The following ICE2 variants were observed in gnomAD, a reference collection of about 807,000 sequenced individuals.
ICE2 encodes interactor of little elongation complex ELL subunit 2.
Under a neutral mutation model 105.4 loss-of-function variants are expected in ICE2, and 87 were observed. The ratio of observed to expected loss-of-function variants is 0.83; its 90% CI spans 0.69 to 0.99. The LOEUF (loss-of-function observed/expected upper bound fraction) is 0.99. ICE2 is among the 50% of genes least tolerant of loss of function. ICE2 has a pLI of 0.00. For missense variants in ICE2, 1,323 were observed against 1,146.7 expected (o/e 1.15, Z -2.22); for synonymous variants, 399 against 392.0 (o/e 1.02, Z -0.21).
chr15:60,462,254 G>A (rs372431438), intron 5 of ICE2, among the ~76,000 whole-genome samples: 27 of 152,264 alleles, frequency 1.8e-4, no homozygotes, highest in African/African-American at 5.5e-4. Context: ...AATACATCTA[G>A]GCAGTGAGCA....
chr15:60,461,674 T>C (rs1567000615), intron 5 of ICE2, among the ~76,000 whole-genome samples: 1 of 152,200 alleles, frequency 6.6e-6, no homozygotes, highest in Non-Finnish European at 1.5e-5. Flanking sequence ...GAGTGTAATG[T>C]GGGATAAAGC....
At chr15:60,466,017 G>C (rs763139824) in intron 5 of ICE2, among the ~76,000 whole-genome samples, 5 of 152,142 alleles carry the variant, frequency 3.3e-5, no homozygotes, top group Non-Finnish European at 5.9e-5. Context: ...CTCCCAAAGT[G>C]CTGGGATTAG....
At chr15:60,474,018 C>T (rs982810053) in intron 3 of ICE2, among the ~76,000 whole-genome samples, 28 of 152,166 alleles carry the variant, frequency 1.8e-4, no homozygotes, top group Admixed American at 3.9e-4. Context: ...AAGTGATCCT[C>T]GTGCCTCAGC....
intron 3 of ICE2, 54 bp from the exon 4 acceptor site, chr15:60,468,376 T>C: frequency 7.7e-7 from 1 of 1,295,182 alleles, no homozygotes; most frequent in Non-Finnish European, 1.1e-6. Flanking sequence ...AAGATTACTA[T>C]CATGGAACTT....
intron 8 of ICE2, 68 bp from the exon 9 acceptor site, chr15:60,453,852 T>C (rs981001952): frequency 8.2e-7 from 1 of 1,223,448 alleles, no homozygotes; most frequent in Non-Finnish European, 1.2e-6. Context: ...AAAAACAGGA[T>C]GTATGACATG....
At chr15:60,437,579 T>C (rs1477704351) in intron 12 of ICE2, among the ~76,000 whole-genome samples, 1 of 151,990 alleles carries the variant, frequency 6.6e-6, no homozygotes, top group Non-Finnish European at 1.5e-5. Context: ...GTGATCCACC[T>C]GCCTCAGCCT....
chr15:60,450,435 A>G (rs1424683358), intron 9 of ICE2, among the ~76,000 whole-genome samples: 16 of 152,230 alleles, frequency 1.1e-4, no homozygotes, highest in Admixed American at 9.8e-4. Flanking sequence ...ACATGAAGTC[A>G]TAAATATTGT....
chr15:60,426,942 G>C (rs2063351198), intron 15 of ICE2, among the ~76,000 whole-genome samples: 1 of 152,126 alleles, frequency 6.6e-6, no homozygotes, highest in Admixed American at 6.5e-5. Context: ...ACTACTTCTA[G>C]TAAACTGGAA....
intron 3 of ICE2, among the ~76,000 whole-genome samples, chr15:60,468,733 C>A (rs928116913): frequency 6.6e-6 from 1 of 152,100 alleles, no homozygotes; most frequent in African/African-American, 2.4e-5. Flanking sequence ...CTACTAAGAA[C>A]AGAATGTAAA....
intron 2 of ICE2, 45 bp downstream of exon 2, chr15:60,477,892 C>T (rs760315680): frequency 2.0e-6 from 3 of 1,505,468 alleles, no homozygotes; most frequent in Non-Finnish European, 2.8e-6. Flanking sequence ...ACCATCAGCC[C>T]CACTACACTC....
chr15:60,432,442 G>A (rs1256984690), intron 13 of ICE2, among the ~76,000 whole-genome samples: 3 of 151,460 alleles, frequency 2.0e-5, no homozygotes, highest in African/African-American at 7.3e-5. Flanking sequence ...CACCCGCCTC[G>A]GCCTCCCAAA....
Position 60,454,984 on chromosome 15 carries a change from G to C in ICE2, c.943+19C>G. The C allele has an allele frequency of 6.6e-7, 1 of 1,526,522 alleles. No homozygotes were observed. The highest frequency in any genetic ancestry group is 1.3e-5 in the South Asian group (1 of 75,082). 94.6% of individuals were successfully genotyped at this position (1,526,522 alleles called of 1,614,324 possible). ...CTTCTCTTTTTTGAGAGCATTATTT[G>C]ACATAGCAAATTACAAACCTGCAAC... On this transcript the variant is annotated intron_variant, in intron 8 of 15. Coordinates refer to ENST00000261520, the MANE Select transcript of ICE2 (RefSeq NM_024611.6).
At position 60,453,664 on chromosome 15, in the gene ICE2, G is replaced by A. The variant is rs1003482960; in HGVS notation, c.1064C>T (p.Thr355Ile). The change falls in exon 9 of 16, where the codon ACA becomes ATA. Residue 355 changes from threonine (T) to isoleucine (I), a missense_variant. Transcript: ENST00000261520. ...AAAGACTGCAGAGACTGGAACAGAT[G>A]TGTTTTTGGACATCATAAATTTTAA... is the stretch of plus-strand genomic sequence containing the variant. Reference protein sequence around the residue: ...VPLKFMMSKNTSVPVSAVFMD... With the variant: ...VPLKFMMSKNISVPVSAVFMD... The A allele has an allele frequency of 3.7e-6, 6 of 1,613,394 alleles. No individual in the cohort carries two copies. Among genetic ancestry groups the A allele is most frequent in the African/African-American group, 1.3e-5 (1 of 74,906 alleles).
chr15:60,435,929 C>T (rs2063577246), intron 13 of ICE2, among the ~76,000 whole-genome samples: 1 of 152,126 alleles, frequency 6.6e-6, no homozygotes, highest in Non-Finnish European at 1.5e-5. Flanking sequence ...GCCGAGATCA[C>T]ACCACTGCAC....
chr15:60,456,566 A>ATATAT (rs1555412852), intron 6 of ICE2, 91 bp downstream of exon 6: 3 of 64,600 alleles, frequency 4.6e-5, no homozygotes, highest in Non-Finnish European at 6.9e-5. Flanking sequence ...TAAATAAATA[A>ATATAT]ATATATATAT....
chr15:60,426,974 T>C (rs769315984), intron 15 of ICE2, among the ~76,000 whole-genome samples: 2 of 152,200 alleles, frequency 1.3e-5, no homozygotes, highest in African/African-American at 2.4e-5. Flanking sequence ...AAACTGAAGA[T>C]AAAATAGCTT....
Position 60,469,585 on chromosome 15 carries a change from T to G in ICE2, c.147-1263A>C, listed in dbSNP as rs144024094. Among the ~76,000 whole-genome samples the G allele has an allele frequency of 5.0e-3, 756 of 152,352 alleles. 7 individuals are homozygous for G. The highest frequency in any genetic ancestry group is 0.017 in the African/African-American group (719 of 41,570). ...TATTTGTTCAGGAACTGCCGGTCCT[T>G]GGATTGGTGTCACCTTTGTTATTCA... On this transcript the variant is annotated intron_variant, in intron 3 of 15. Transcript: ENST00000261520.
In ICE2 at chr15:60,449,637, G is replaced by A. The variant is rs1379026192; in HGVS notation, c.1330C>T (p.Pro444Ser). 2 of 1,614,010 alleles carry A rather than the reference G, an allele frequency of 1.2e-6. No individual in the cohort carries two copies. The highest frequency in any genetic ancestry group is 1.3e-5 in the African/African-American group (1 of 74,920). The change falls in exon 10 of 16, where the codon CCA (proline) becomes TCA (serine). Residue 444 changes from proline to serine, a missense_variant. Transcript: ENST00000261520. ...TTAGCAGAAATGTCTGGTGCACTTG[G>A]TGCCACAGTTGTAGTTCCTGCTTTG... The part of the protein sequence containing the change: ...APKAGTTTVA[P>S]SAPDISANSR...
chr15:60,431,287 G>A (rs1287296346), intron 14 of ICE2, among the ~76,000 whole-genome samples: 1 of 151,912 alleles, frequency 6.6e-6, no homozygotes, highest in African/African-American at 2.4e-5. Flanking sequence ...ACCTGTGACT[G>A]TATTATATTT....
Sources: gnomAD v4.1 joint callset for allele counts (sites outside exome capture counted in the v4.1 genomes callset) on GRCh38, gnomAD v4.1.1 for gene constraint, MANE v1.5 for transcripts, NCBI Gene and HGNC (gene_info 2026-07-23, HGNC 2026-07-21) for gene names.